The following ACOXL variants were observed in gnomAD, a reference collection of about 807,000 sequenced individuals.
ACOXL encodes acyl-CoA oxidase like.
In ACOXL, 70 loss-of-function variants were observed where a neutral mutation model predicts 71.9. That is an observed-to-expected ratio of 0.97 (90% CI 0.80 to 1.19). ACOXL has a LOEUF of 1.19. Among genes scored for constraint, ACOXL ranks in the 50% most tolerant of loss-of-function variants. The probability of loss-of-function intolerance (pLI) is 0.00; values close to 1 mark genes in which losing one functional copy is unlikely to be tolerated. For synonymous variants in ACOXL, 253 were observed against 281.6 expected, an observed-to-expected ratio of 0.90 and a Z score of 1.02; for missense variants, 703 against 736.3, an observed-to-expected ratio of 0.95 and a Z score of 0.52.
At chr2:110,915,932 A>G (rs996837289) in intron 11 of ACOXL, among the ~76,000 whole-genome samples, 4 of 152,068 alleles carry the variant, frequency 2.6e-5, no homozygotes, top group African/African-American at 9.7e-5. Flanking sequence ...TTTGTGTAAG[A>G]TTGCTCTTAT....
At chr2:110,982,198 C>G (rs1412987106) in intron 12 of ACOXL, among the ~76,000 whole-genome samples, 1 of 152,086 alleles carries the variant, frequency 6.6e-6, no homozygotes, top group East Asian at 1.9e-4. Context: ...GCTCTGCGCC[C>G]AGGCTGGAGT....
At chr2:110,866,256 C>G (rs1248565740) in intron 10 of ACOXL, among the ~76,000 whole-genome samples, 1 of 151,918 alleles carries the variant, frequency 6.6e-6, no homozygotes, top group African/African-American at 2.4e-5. Context: ...TAGCTGGAGG[C>G]AGGAGAGGAG....
chr2:110,879,697 G>A (rs1164342050), intron 10 of ACOXL, among the ~76,000 whole-genome samples: 6 of 152,126 alleles, frequency 3.9e-5, no homozygotes, highest in Non-Finnish European at 7.3e-5. Flanking sequence ...TGCATGTCTG[G>A]AGCCAAGCAC....
At chr2:110,833,503 C>T (rs953293643) in intron 9 of ACOXL, among the ~76,000 whole-genome samples, 6 of 152,168 alleles carry the variant, frequency 3.9e-5, no homozygotes, top group Non-Finnish European at 7.3e-5. Flanking sequence ...TGTGGCTTGA[C>T]TCTATCAGGG....
intron 6 of ACOXL, 56 bp downstream of exon 6, chr2:110,798,780 G>T (rs1685590270): frequency 1.3e-6 from 2 of 1,511,574 alleles, no homozygotes; most frequent in Non-Finnish European, 1.8e-6. Context: ...CTATTTACCA[G>T]TGAAAAACCA....
At chr2:110,850,961 G>A (rs1692525951) in intron 10 of ACOXL, among the ~76,000 whole-genome samples, 1 of 152,146 alleles carries the variant, frequency 6.6e-6, no homozygotes, top group East Asian at 1.9e-4. Context: ...CTTCCATACA[G>A]TGAGATACTA....
intron 1 of ACOXL, among the ~76,000 whole-genome samples, chr2:110,733,954 C>T (rs1676517656): frequency 6.6e-6 from 1 of 152,180 alleles, no homozygotes; most frequent in Non-Finnish European, 1.5e-5. Flanking sequence ...CATTCTCTCA[C>T]TAATGTACAG....
At chr2:110,993,754 A>C (rs1421880180) in intron 13 of ACOXL, among the ~76,000 whole-genome samples, 2 of 152,208 alleles carry the variant, frequency 1.3e-5, no homozygotes. Context: ...ATCAGCAAGC[A>C]TGAGAGTTCT....
chr2:110,892,501 A>G (rs994553694), intron 10 of ACOXL, among the ~76,000 whole-genome samples: 8 of 152,170 alleles, frequency 5.3e-5, no homozygotes, highest in Non-Finnish European at 1.5e-5. Context: ...GCGCTCAACC[A>G]CTGGGTCACC....
At chr2:111,112,200 A>G (rs2070030274) in intron 17 of ACOXL, among the ~76,000 whole-genome samples, 1 of 152,244 alleles carries the variant, frequency 6.6e-6, no homozygotes, top group Admixed American at 6.5e-5. Context: ...TGATTATTTA[A>G]TAGACCTGTG....
chr2:110,973,331 T>A (rs192690532), intron 12 of ACOXL, among the ~76,000 whole-genome samples: 108 of 152,330 alleles, frequency 7.1e-4, no homozygotes, highest in Admixed American at 1.2e-3. Context: ...TGTCTTTCCA[T>A]GATTAATGTG....
chr2:110,813,465 C>A (rs182581813), intron 9 of ACOXL, among the ~76,000 whole-genome samples: 1 of 152,098 alleles, frequency 6.6e-6, no homozygotes, highest in Non-Finnish European at 1.5e-5. Context: ...CATCTACTAC[C>A]GGGAGAACGA....
intron 1 of ACOXL, among the ~76,000 whole-genome samples, chr2:110,737,353 T>A (rs72828854): frequency 0.025 from 3,802 of 152,308 alleles, 70 homozygotes; most frequent in East Asian, 0.056. Flanking sequence ...TGGCTTACTC[T>A]TATAGAAAAC....
chr2:110,817,074 A>C (rs1025891780), intron 9 of ACOXL, among the ~76,000 whole-genome samples: 1 of 152,236 alleles, frequency 6.6e-6, no homozygotes. Flanking sequence ...AGTGCGAGGC[A>C]CACAGGGGGC....
At chr2:110,815,536 G>A (rs868622896) in intron 9 of ACOXL, among the ~76,000 whole-genome samples, 37 of 152,328 alleles carry the variant, frequency 2.4e-4, no homozygotes, top group Non-Finnish European at 3.7e-4. Context: ...AGGAGGGGAT[G>A]TTTTTCATAT....
intron 14 of ACOXL, among the ~76,000 whole-genome samples, chr2:111,007,130 G>A (rs542279779): frequency 3.1e-4 from 47 of 152,288 alleles, no homozygotes; most frequent in Non-Finnish European, 6.5e-4. Context: ...GAGACCCTGG[G>A]AGTCACATAG....
chr2:111,022,496 A>G (rs1435805417), intron 14 of ACOXL, among the ~76,000 whole-genome samples: 1 of 152,138 alleles, frequency 6.6e-6, no homozygotes, highest in East Asian at 1.9e-4. Flanking sequence ...AGACAGGAAG[A>G]TAGAGATGGG....
chr2:110,918,140 G>A (rs955636556), intron 11 of ACOXL, among the ~76,000 whole-genome samples: 1 of 152,116 alleles, frequency 6.6e-6, no homozygotes, highest in Admixed American at 6.6e-5. Flanking sequence ...GAGGCATCAC[G>A]CTACCTGACT....
intron 15 of ACOXL, among the ~76,000 whole-genome samples, chr2:111,037,853 A>G (rs2065594737): frequency 6.6e-6 from 1 of 152,190 alleles, no homozygotes; most frequent in Admixed American, 6.5e-5. Flanking sequence ...CCACAGATGA[A>G]TCCCAGAGAA....
Sources: gnomAD v4.1 joint callset for allele counts (sites outside exome capture counted in the v4.1 genomes callset) on GRCh38, gnomAD v4.1.1 for gene constraint, MANE v1.5 for transcripts, NCBI Gene and HGNC (gene_info 2026-07-23, HGNC 2026-07-21) for gene names.